TTC12: variants seen among roughly 807,000 people sequenced by gnomAD.
TTC12 encodes tetratricopeptide repeat protein 12.
TTC12 carries 70 observed loss-of-function variants against 90.1 expected under a neutral mutation model. The ratio of observed to expected loss-of-function variants is 0.78; its 90% CI spans 0.64 to 0.95. The LOEUF is 0.95. Ranked by LOEUF, TTC12 falls within the 40% of genes least tolerant of loss-of-function variation. The pLI is 0.00. For synonymous variants in TTC12, 296 were observed against 311.5 expected (o/e 0.95, Z 0.53); for missense variants, 819 against 846.1 (o/e 0.97, Z 0.40).
At chr11:113,330,356 C>A (rs1452942783) in intron 7 of TTC12, among the ~76,000 whole-genome samples, 2 of 152,116 alleles carry the variant, frequency 1.3e-5, no homozygotes, top group Non-Finnish European at 2.9e-5. Context: ...TGTGTTTTTT[C>A]CCTCCAGCCC....
At chr11:113,338,937 C>A in intron 9 of TTC12, 103 bp downstream of exon 9, 1 of 1,010,548 alleles carries the variant, frequency 9.9e-7, no homozygotes, top group Non-Finnish European at 1.5e-6. Flanking sequence ...CACTAGGCAG[C>A]GGCGGATCCT....
intron 13 of TTC12, among the ~76,000 whole-genome samples, chr11:113,345,901 A>G (rs1948923862): frequency 6.6e-6 from 1 of 151,938 alleles, no homozygotes; most frequent in Admixed American, 6.5e-5. Context: ...AGTGGCGTTC[A>G]TGATCACCTC....
At chr11:113,335,840 G>C (rs1222054512) in intron 8 of TTC12, among the ~76,000 whole-genome samples, 2 of 152,094 alleles carry the variant, frequency 1.3e-5, no homozygotes, top group Non-Finnish European at 2.9e-5. Flanking sequence ...GGACATTTGG[G>C]TTGTTTCCAC....
At chr11:113,335,165 A>T in intron 8 of TTC12, 128 bp downstream of exon 8, 1 of 717,394 alleles carries the variant, frequency 1.4e-6, no homozygotes, top group Non-Finnish European at 2.3e-6. Context: ...TTCCAAGGTA[A>T]AGCTCAAGAT....
chr11:113,338,716 C>G, intron 8 of TTC12, 58 bp from the exon 9 acceptor site: 4 of 1,408,436 alleles, frequency 2.8e-6, no homozygotes, highest in Non-Finnish European at 4.0e-6. Flanking sequence ...CACCCAGTGT[C>G]TTTCTCATAA....
chr11:113,366,438 G>A (rs187944872), downstream of TTC12: 282 of 1,478,338 alleles, frequency 1.9e-4, 1 homozygote, highest in East Asian at 4.5e-3. Flanking sequence ...AGGTTTTCAC[G>A]GGTAACAAGA....
At chr11:113,366,511 T>A, downstream of TTC12, 1 of 741,418 alleles carries the variant, frequency 1.3e-6, no homozygotes, top group Non-Finnish European at 2.1e-6. Flanking sequence ...ACTTCCATTG[T>A]ACCCTCCTTT....
chr11:113,321,201 C>T (rs1947310592), intron 2 of TTC12, among the ~76,000 whole-genome samples: 1 of 152,014 alleles, frequency 6.6e-6, no homozygotes, highest in Non-Finnish European at 1.5e-5. Flanking sequence ...GATACCATTC[C>T]CATCCATTAC....
intron 6 of TTC12, 47 bp from the exon 7 acceptor site, chr11:113,329,873 C>T (rs1477868867): frequency 2.7e-6 from 4 of 1,506,826 alleles, no homozygotes; most frequent in Non-Finnish European, 3.7e-6. Context: ...CTGAAAACTG[C>T]CTGATGCAGA....
chr11:113,348,180 C>A (rs112497337), intron 13 of TTC12, among the ~76,000 whole-genome samples: 1 of 152,180 alleles, frequency 6.6e-6, no homozygotes, highest in Non-Finnish European at 1.5e-5. Context: ...CAAGTATCAT[C>A]GACTTAATAA....
rs1243612104 is a variant in TTC12 at position 113,366,229 on chromosome 11, G to T, written c.2047G>T (p.Ala683Ser). 1.9e-6 allele frequency: 3 copies of T among 1,613,006 alleles called. No individual in the cohort carries two copies. Among genetic ancestry groups the T allele is most frequent in the Admixed American group, 3.3e-5 (2 of 60,004 alleles). Residue 683 changes from alanine to serine, a missense_variant, in exon 22 of 22, where the codon GCT becomes TCT. Physicochemically the swap from Ala to Ser is moderately conservative, Grantham distance 99 (BLOSUM62 1). Transcript: ENST00000529221. Reference sequence around the variant, plus strand: ...TGTTTGTTTTGATTGTGACAGATTTGCTGCTCAACTGAGAAAGCTTCATGG... The same window carrying T: ...TGTTTGTTTTGATTGTGACAGATTTTCTGCTCAACTGAGAAAGCTTCATGG... Reference protein sequence around the residue: ...GKLCTAEPRFAAQLRKLHGLE... With the variant: ...GKLCTAEPRFSAQLRKLHGLE...
chr11:113,364,277 T>C, intron 20 of TTC12: 1 of 245,244 alleles, frequency 4.1e-6, no homozygotes, highest in African/African-American at 2.3e-5. Flanking sequence ...AATATCAGAG[T>C]CTGAGCCTAG....
downstream of TTC12, among the ~76,000 whole-genome samples, chr11:113,369,289 T>C (rs1950313195): frequency 6.6e-6 from 1 of 152,104 alleles, no homozygotes; most frequent in Non-Finnish European, 1.5e-5. Context: ...TATCCCAAAT[T>C]TTCATATTTT....
intron 21 of TTC12, 110 bp from the exon 22 acceptor site, chr11:113,366,115 A>T: frequency 8.5e-7 from 1 of 1,183,326 alleles, no homozygotes; most frequent in Non-Finnish European, 1.2e-6. Context: ...ACCCAGAGTG[A>T]TAGGACTGAC....
At chr11:113,330,161 G>C (rs1947959333) in intron 7 of TTC12, among the ~76,000 whole-genome samples, 182 bp downstream of exon 7, 1 of 152,206 alleles carries the variant, frequency 6.6e-6, no homozygotes, top group Non-Finnish European at 1.5e-5. Flanking sequence ...AAAGTGCCTA[G>C]TTCCTAGAAA....
At chr11:113,349,888 C>T (rs1265115442) in intron 13 of TTC12, among the ~76,000 whole-genome samples, 185 bp from the exon 14 acceptor site, 1 of 152,110 alleles carries the variant, frequency 6.6e-6, no homozygotes, top group Non-Finnish European at 1.5e-5. Context: ...TGGAGCCAAC[C>T]ACTTAAGAGT....
At chr11:113,316,574 A>G (rs1415630065) in intron 2 of TTC12, among the ~76,000 whole-genome samples, 2 of 152,320 alleles carry the variant, frequency 1.3e-5, no homozygotes, top group African/African-American at 2.4e-5. Flanking sequence ...GTATCCTTCT[A>G]TGTGGAATCC....
At chr11:113,345,121 T>C (rs1431243719) in intron 13 of TTC12, among the ~76,000 whole-genome samples, 1 of 152,200 alleles carries the variant, frequency 6.6e-6, no homozygotes, top group African/African-American at 2.4e-5. Flanking sequence ...CATGATTAGT[T>C]TGAACATATG....
intron 16 of TTC12, among the ~76,000 whole-genome samples, chr11:113,353,395 A>C (rs1555151181): frequency 2.0e-5 from 3 of 152,104 alleles, no homozygotes; most frequent in Non-Finnish European, 4.4e-5. Context: ...AGTTTGCAAA[A>C]ACTTTCTCCC....
Sources: allele counts gnomAD v4.1 joint callset (sites outside exome capture counted in the v4.1 genomes callset), GRCh38; gene constraint gnomAD v4.1.1; transcripts MANE v1.5; gene names NCBI Gene and HGNC (gene_info 2026-07-23, HGNC 2026-07-21).